Variants in CHRM3 observed in about 807,000 individuals in gnomAD.
CHRM3 encodes the protein cholinergic receptor muscarinic 3, also known as muscarinic acetylcholine receptor M3.
A neutral mutation model predicts 41.8 loss-of-function variants in CHRM3; 11 were observed. The observed-to-expected ratio is 0.26, with a 90% CI of 0.17 to 0.44. CHRM3 has a LOEUF of 0.44. Ranked by LOEUF, CHRM3 falls within the 20% of genes least tolerant of loss-of-function variation. CHRM3 has a pLI of 1.00. For synonymous variants in CHRM3, 297 were observed against 301.4 expected, an observed-to-expected ratio of 0.99 and a Z score of 0.15; for missense variants, 571 against 745.4, an observed-to-expected ratio of 0.77 and a Z score of 2.72.
At chr1:239,618,285 T>C (rs1481451238) in intron 3 of CHRM3, among the ~76,000 whole-genome samples, 3 of 142,492 alleles carry the variant, frequency 2.1e-5, no homozygotes, top group African/African-American at 8.0e-5. Flanking sequence ...TTCTTTTTTT[T>C]TTTTTTTTTT....
chr1:239,487,497 AG>A (rs1347306348), intron 1 of CHRM3, among the ~76,000 whole-genome samples: 1 of 152,176 alleles, frequency 6.6e-6, no homozygotes, highest in African/African-American at 2.4e-5. Flanking sequence ...TACAATACCT[AG>A]GAGAAGTTCA....
At chr1:239,573,330 A>G (rs1662005525) in intron 3 of CHRM3, among the ~76,000 whole-genome samples, 1 of 152,182 alleles carries the variant, frequency 6.6e-6, no homozygotes, top group Non-Finnish European at 1.5e-5. Context: ...GCTGAGTAAT[A>G]TCACCTTAAA....
At chr1:239,645,554 T>A (rs1671672049) in intron 4 of CHRM3, among the ~76,000 whole-genome samples, 1 of 152,068 alleles carries the variant, frequency 6.6e-6, no homozygotes, top group Non-Finnish European at 1.5e-5. Flanking sequence ...AACAAAATAA[T>A]AGATGTTACT....
chr1:239,900,871 C>T (rs935185742), intron 6 of CHRM3, among the ~76,000 whole-genome samples: 1 of 152,140 alleles, frequency 6.6e-6, no homozygotes, highest in African/African-American at 2.4e-5. Flanking sequence ...CGAGCAAGAT[C>T]AGTCATTTCA....
At chr1:239,767,560 T>C (rs576011774) in intron 5 of CHRM3, among the ~76,000 whole-genome samples, 59 of 152,334 alleles carry the variant, frequency 3.9e-4, no homozygotes, top group African/African-American at 1.4e-3. Context: ...TCAATATGGT[T>C]AACAAATCAA....
chr1:239,491,264 A>G (rs1667534765), intron 1 of CHRM3, among the ~76,000 whole-genome samples: 2 of 152,202 alleles, frequency 1.3e-5, no homozygotes, highest in African/African-American at 2.4e-5. Flanking sequence ...GTCATCCTAT[A>G]GTGCTGTAGA....
intron 2 of CHRM3, among the ~76,000 whole-genome samples, chr1:239,516,184 T>C (rs1017323808): frequency 6.6e-6 from 1 of 152,214 alleles, no homozygotes; most frequent in Non-Finnish European, 1.5e-5. Flanking sequence ...TGAAAGAATT[T>C]ATAGTATGAA....
chr1:239,456,694 C>T (rs60012771), intron 1 of CHRM3, among the ~76,000 whole-genome samples: 2,963 of 152,258 alleles, frequency 0.019, 77 homozygotes, highest in African/African-American at 0.067. Flanking sequence ...TCCTTGATCC[C>T]TGGATGAGGG....
chr1:239,899,274 T>C (rs1034266512), intron 6 of CHRM3, among the ~76,000 whole-genome samples: 1 of 117,382 alleles, frequency 8.5e-6, no homozygotes, highest in African/African-American at 3.6e-5. Flanking sequence ...CATTTTGAAC[T>C]CAGTGTGTGT....
intron 5 of CHRM3, among the ~76,000 whole-genome samples, chr1:239,740,450 T>C (rs931263484): frequency 1.3e-5 from 2 of 151,924 alleles, no homozygotes; most frequent in African/African-American, 2.4e-5. Flanking sequence ...AAAGTTGACA[T>C]TGAGGGTGGT....
intron 3 of CHRM3, among the ~76,000 whole-genome samples, chr1:239,566,723 A>C (rs550513501): frequency 1.6e-4 from 25 of 152,328 alleles, no homozygotes; most frequent in Non-Finnish European, 3.1e-4. Flanking sequence ...CTTTGACTCA[A>C]CTTTCATGGG....
At chr1:239,817,393 AT>A (rs1247018559) in intron 5 of CHRM3, among the ~76,000 whole-genome samples, 1 of 152,058 alleles carries the variant, frequency 6.6e-6, no homozygotes, top group Non-Finnish European at 1.5e-5. Context: ...CTCAACTGGT[AT>A]TTCATGGTCA....
chr1:239,387,885 A>G lies in CHRM3; in HGVS notation c.-521+658A>G, dbSNP rs1208255654. Among the ~76,000 whole-genome samples, 1 of 152,150 alleles carries G rather than the reference A, an allele frequency of 6.6e-6. No homozygotes were observed. The highest frequency in any genetic ancestry group is 1.5e-5 in the Non-Finnish European group (1 of 68,020). On this transcript the variant is annotated intron_variant, in intron 1 of 6. Coordinates refer to ENST00000676153, the MANE Select transcript of CHRM3 (RefSeq NM_001375978.1). This position sits in a 1 kb window ranked among gnomAD's most constrained non-coding sequence, Gnocchi z 5.1. ...CGGGGAGAGTCTGCACTCGCGAGGC[A>G]GCGGCCGCTGGACTGCACCGGTTCT... is the stretch of plus-strand genomic sequence containing the variant.
At chr1:239,820,314 T>G (rs912280369) in intron 5 of CHRM3, among the ~76,000 whole-genome samples, 5 of 151,950 alleles carry the variant, frequency 3.3e-5, no homozygotes, top group African/African-American at 1.2e-4. Context: ...TAGTAAATGA[T>G]TTTTAGGGGA....
At chr1:239,532,454 C>A (rs1396573661) in intron 2 of CHRM3, among the ~76,000 whole-genome samples, 1 of 150,796 alleles carries the variant, frequency 6.6e-6, no homozygotes, top group Non-Finnish European at 1.5e-5. Context: ...GGTGAAACCC[C>A]CTCTCTACTA....
intron 1 of CHRM3, among the ~76,000 whole-genome samples, chr1:239,407,417 T>TATATATATATAGAGAGAGAGAGAG: frequency 7.5e-6 from 1 of 134,124 alleles, no homozygotes; most frequent in South Asian, 2.4e-4. Flanking sequence ...TATATATATA[T>TATATATATATAGAGAGAGAGAGAG]AGAGAGAGAG....
intron 6 of CHRM3, among the ~76,000 whole-genome samples, chr1:239,876,541 G>A (rs1403426241): frequency 2.0e-5 from 3 of 152,136 alleles, no homozygotes; most frequent in Non-Finnish European, 4.4e-5. Flanking sequence ...CTCTCTCTAT[G>A]TCTCTATATA....
At chr1:239,859,419 GTTT>G (rs36006673) in intron 6 of CHRM3, among the ~76,000 whole-genome samples, 5 of 97,492 alleles carry the variant, frequency 5.1e-5, no homozygotes, top group African/African-American at 2.1e-4. Flanking sequence ...TGTTGTTGTT[GTTT>G]TTTTTTTTTG....
intron 3 of CHRM3, among the ~76,000 whole-genome samples, chr1:239,548,104 G>A (rs1022630444): frequency 5.9e-5 from 9 of 152,092 alleles, no homozygotes; most frequent in Non-Finnish European, 1.0e-4. Context: ...TCAGACGTAC[G>A]CTTGTTTTTA....
Sources: allele counts gnomAD v4.1 joint callset (sites outside exome capture counted in the v4.1 genomes callset), GRCh38; gene constraint gnomAD v4.1.1; non-coding constraint Gnocchi (gnomAD v3.1); transcripts MANE v1.5; gene names NCBI Gene and HGNC (gene_info 2026-07-23, HGNC 2026-07-21).